DPYSL2: variants seen among roughly 807,000 people sequenced by gnomAD.
DPYSL2 encodes dihydropyrimidinase-related protein 2.
In DPYSL2, 13 loss-of-function variants were observed where a neutral mutation model predicts 69.9. The ratio of observed to expected loss-of-function variants is 0.19; its 90% CI spans 0.12 to 0.30. The LOEUF is 0.30. Among genes scored for constraint, DPYSL2 ranks in the 10% least tolerant of loss-of-function variants. DPYSL2 has a pLI of 1.00. For synonymous variants in DPYSL2, 326 were observed against 359.1 expected (o/e 0.91, Z 1.04); for missense variants, 587 against 918.9 (o/e 0.64, Z 4.67).
chr8:26,563,533 C>T (rs1046886507), intron 1 of DPYSL2, among the ~76,000 whole-genome samples: 3 of 152,198 alleles, frequency 2.0e-5, no homozygotes, highest in Admixed American at 2.0e-4. Context: ...GAGGCTAAGT[C>T]CAGAATTTTC....
chr8:26,617,395 T>A lies in DPYSL2; in HGVS notation c.629-6748T>A, dbSNP rs1802378791. On this transcript the variant is annotated intron_variant, in intron 3 of 13. Coordinates refer to ENST00000521913, the MANE Select transcript of DPYSL2 (RefSeq NM_001197293.3). This position sits in a 1 kb window ranked among gnomAD's most constrained non-coding sequence, Gnocchi z 4.7. ...CTGTGGTCCTAGCTATTTGGGAGGA[T>A]GAGGTGGGAGGATTGCTTGAGCCCA... Among the ~76,000 whole-genome samples, 1 of 151,998 alleles carries A rather than the reference T, an allele frequency of 6.6e-6. No individual in the cohort carries two copies. Among genetic ancestry groups the A allele is most frequent in the South Asian group, 2.1e-4 (1 of 4,818 alleles).
rs550724105 is a variant in DPYSL2, at chr8:26,576,958, C to G, written c.355-5011C>G. The G allele has an allele frequency of 1.2e-3, 357 of 294,952 alleles. 1 individual carries two copies. Among genetic ancestry groups the G allele is most frequent in the African/African-American group, 7.9e-3 (336 of 42,446 alleles). 18.3% of individuals were successfully genotyped at this position (294,952 alleles called of 1,614,324 possible). A position where few individuals can be genotyped will look rare whatever the true frequency, so the allele number is the denominator to read the frequency against. ...CCTCAGGGAGCCGAGGTGGGCGTGA[C>G]TGTAAAGCGGGCGCACAGAGCGCAG... On this transcript the variant is annotated intron_variant, in intron 1 of 13. Coordinates refer to ENST00000521913, the MANE Select transcript of DPYSL2 (RefSeq NM_001197293.3).
chr8:26,558,351 A>G (rs1400807527), intron 1 of DPYSL2, among the ~76,000 whole-genome samples: 2 of 152,234 alleles, frequency 1.3e-5, no homozygotes, highest in East Asian at 1.9e-4. Context: ...AAAAGGCTAC[A>G]TAATGTGATT....
At chr8:26,578,055 A>T in intron 1 of DPYSL2, 1 of 1,447,684 alleles carries the variant, frequency 6.9e-7, no homozygotes, top group Non-Finnish European at 9.0e-7. Context: ...GTTGGAGGAG[A>T]GGAAGAAAGA....
rs1331587275 is a variant in DPYSL2, at chr8:26,626,757, C to T, written c.855+79C>T. 1.6e-5 allele frequency: 23 copies of T among 1,423,268 alleles called. No individual in the cohort carries two copies. Among genetic ancestry groups the T allele is most frequent in the East Asian group, 4.6e-5 (2 of 43,922 alleles). 88.2% of individuals were successfully genotyped at this position (1,423,268 alleles called of 1,614,324 possible). A position where few individuals can be genotyped will look rare whatever the true frequency, so the allele number is the denominator to read the frequency against. On this transcript the variant is annotated intron_variant, in intron 5 of 13. Coordinates refer to ENST00000521913, the MANE Select transcript of DPYSL2 (RefSeq NM_001197293.3). The surrounding 1 kb of genome is among the most constrained non-coding windows in gnomAD (Gnocchi z 4.3). The stretch of plus-strand genomic sequence containing the variant: ...TGTGGCCGTTTGGGAAAGCAGTCTC[C>T]GATGTATGCATGTTTCCTAGCTTCC...
At position 26,641,906 on chromosome 8, in the gene DPYSL2, A is replaced by G. The variant is rs115713095; in HGVS notation, c.1127-1533A>G. 1.8e-3 allele frequency among the ~76,000 whole-genome samples: 272 copies of G among 152,276 alleles called. 1 individual carries two copies. Among genetic ancestry groups the G allele is most frequent in the African/African-American group, 6.1e-3 (254 of 41,558 alleles). ...GCAGAGCCAGCTCTCAGAGTGGCCGACAGGGAGGGTGTTGTGGTGTATCAT... is the reference window on the plus strand; with the variant it reads ...GCAGAGCCAGCTCTCAGAGTGGCCGGCAGGGAGGGTGTTGTGGTGTATCAT... On this transcript the variant is annotated intron_variant, in intron 8 of 13. Coordinates refer to ENST00000521913, the MANE Select transcript of DPYSL2 (RefSeq NM_001197293.3). The surrounding 1 kb of genome is among the most constrained non-coding windows in gnomAD (Gnocchi z 4.1).
chr8:26,517,358 G>A lies in DPYSL2; in HGVS notation c.354+2679G>A, dbSNP rs1485327846. ...AGCCAGACAGCACCAGAAAGCGATGGGTGTGGCTTGACTCGGCATGTCAGA... is the reference window on the plus strand; with the variant it reads ...AGCCAGACAGCACCAGAAAGCGATGAGTGTGGCTTGACTCGGCATGTCAGA... On this transcript the variant is annotated intron_variant, in intron 1 of 13. Coordinates refer to ENST00000521913, the MANE Select transcript of DPYSL2 (RefSeq NM_001197293.3). The surrounding 1 kb of genome is among the most constrained non-coding windows in gnomAD (Gnocchi z 4.2). Among the ~76,000 whole-genome samples, 1 of 152,166 alleles carries A rather than the reference G, an allele frequency of 6.6e-6. No individual in the cohort carries two copies. Among genetic ancestry groups the A allele is most frequent in the Non-Finnish European group, 1.5e-5 (1 of 68,030 alleles).
chr8:26,601,397 A>T (rs1801988258), intron 3 of DPYSL2, among the ~76,000 whole-genome samples: 1 of 151,038 alleles, frequency 6.6e-6, no homozygotes, highest in Non-Finnish European at 1.5e-5. Flanking sequence ...TTTTGTTTTG[A>T]GACAGAGTCT....
chr8:26,622,530 C>T (rs1030838389), intron 3 of DPYSL2, among the ~76,000 whole-genome samples: 1 of 150,178 alleles, frequency 6.7e-6, no homozygotes, highest in East Asian at 2.0e-4. Context: ...TGAGACAAGG[C>T]CTTGCTCTGT....
In DPYSL2 at chr8:26,553,985, G is replaced by A. The variant is rs544320125; in HGVS notation, c.355-27984G>A. 1.4e-3 allele frequency among the ~76,000 whole-genome samples: 200 copies of A among 141,482 alleles called. 1 individual carries two copies. The highest frequency in any genetic ancestry group is 4.9e-3 in the African/African-American group (186 of 37,946). The allele number at this position is 141,482 out of a possible 152,430, so 92.8% of individuals were successfully genotyped here. On this transcript the variant is annotated intron_variant, in intron 1 of 13. Coordinates refer to ENST00000521913, the MANE Select transcript of DPYSL2 (RefSeq NM_001197293.3). ...ACGATCTCTGCAACCTCTGCTTTCC[G>A]GGTTCAAGCAATTCTCTGCCTCAGC...
chr8:26,532,223 C>A (rs185733399), intron 1 of DPYSL2, among the ~76,000 whole-genome samples: 5 of 152,122 alleles, frequency 3.3e-5, no homozygotes, highest in Admixed American at 1.3e-4. Context: ...TCTGTGAACC[C>A]AGGGATGAGG....
rs1802486629 is a variant in DPYSL2, at chr8:26,621,761, A to C, written c.629-2382A>C. ...GCTTGGAGTTGCCCAGGGGTTGGGC[A>C]GGTCAAAGTGAAGAATGGCCGGGGT... On this transcript the variant is annotated intron_variant, in intron 3 of 13. Transcript: ENST00000521913. This position sits in a 1 kb window ranked among gnomAD's most constrained non-coding sequence, Gnocchi z 4.9. Among the ~76,000 whole-genome samples the C allele has an allele frequency of 3.3e-5, 5 of 152,142 alleles. No homozygotes were observed. In the South Asian group the frequency reaches 1.0e-3, roughly 32 times the overall value.
chr8:26,577,286 GGGCCGGGCGT>G (rs1244077727), intron 1 of DPYSL2: 4 of 292,286 alleles, frequency 1.4e-5, no homozygotes, highest in African/African-American at 7.1e-5. Flanking sequence ...GCCCTCTCCG[GGGCCGGGCGT>G]GGCCGGGCCC....
At position 26,655,642 on chromosome 8, in the gene DPYSL2, G is replaced by A. The variant is rs1183472634; in HGVS notation, c.1970G>A (p.Arg657His). 3.1e-6 allele frequency: 5 copies of A among 1,610,400 alleles called. No individual in the cohort carries two copies. The highest frequency in any genetic ancestry group is 4.2e-6 in the Non-Finnish European group (5 of 1,179,178). The change falls in exon 14 of 14, where the codon CGC (arginine) becomes CAC (histidine). Residue 657 changes from arginine to histidine, a missense_variant. Around this residue, in one of 3 missense-constraint regions of DPYSL2, gnomAD observed 452 missense variants for 754.3 expected, o/e 0.60. Coordinates refer to ENST00000521913, the MANE Select transcript of DPYSL2 (RefSeq NM_001197293.3). ...GCTCAGATTGATGACAACATTCCCC[G>A]CCGCACCACCCAGCGTATCGTGGCG... ...SGAQIDDNIPRRTTQRIVAPP... is the reference protein window; with the variant it reads ...SGAQIDDNIPHRTTQRIVAPP...
rs567958529 is a variant in DPYSL2 at position 26,619,279 on chromosome 8, G to T, written c.629-4864G>T. 6.6e-6 allele frequency among the ~76,000 whole-genome samples: 1 copy of T among 152,332 alleles called. No individual in the cohort carries two copies. Among genetic ancestry groups the T allele is most frequent in the Admixed American group, 6.5e-5 (1 of 15,298 alleles). ...AGCAGCTCTTCCCAGGAGAGCTTCAGTGGAAAGAAAACTGTGGGAAAACAT... is the reference window on the plus strand; with the variant it reads ...AGCAGCTCTTCCCAGGAGAGCTTCATTGGAAAGAAAACTGTGGGAAAACAT... On this transcript the variant is annotated intron_variant, in intron 3 of 13. Coordinates refer to ENST00000521913, the MANE Select transcript of DPYSL2 (RefSeq NM_001197293.3). The surrounding 1 kb of genome is among the most constrained non-coding windows in gnomAD (Gnocchi z 4.8).
At chr8:26,623,544 A>G (rs566753508) in intron 3 of DPYSL2, among the ~76,000 whole-genome samples, 229 of 152,212 alleles carry the variant, frequency 1.5e-3, no homozygotes, top group Middle Eastern at 6.8e-3. Context: ...CAAAGTCCTC[A>G]GTCTTCCAGA....
Position 26,536,072 on chromosome 8 carries a change from C to G in DPYSL2, c.354+21393C>G, listed in dbSNP as rs189339161. Among the ~76,000 whole-genome samples, 1,040 of 151,594 alleles carry G rather than the reference C, an allele frequency of 6.9e-3. 9 individuals are homozygous for G. Among genetic ancestry groups the G allele is most frequent in the African/African-American group, 0.024 (991 of 41,318 alleles). ...AAGTGGCTGGCACTACAGGTACATG[C>G]CACCATGCCCAGCTAATTTTTGTAT... On this transcript the variant is annotated intron_variant, in intron 1 of 13. Coordinates refer to ENST00000521913, the MANE Select transcript of DPYSL2 (RefSeq NM_001197293.3).
intron 8 of DPYSL2, among the ~76,000 whole-genome samples, chr8:26,639,954 A>G (rs1585566921): frequency 2.6e-5 from 4 of 152,346 alleles, no homozygotes; most frequent in Admixed American, 2.6e-4. Flanking sequence ...AAAACCTGAC[A>G]GCACAGTCCC....
rs138158225 is a variant in DPYSL2 at position 26,588,553 on chromosome 8, C to T, written c.628+4570C>T. Among the ~76,000 whole-genome samples the T allele has an allele frequency of 6.6e-6, 1 of 152,148 alleles. No individual in the cohort carries two copies. The highest frequency in any genetic ancestry group is 1.5e-5 in the Non-Finnish European group (1 of 68,022). ...GCTCTCTCTAGAGGAGGTGCACCCT[C>T]AGGCACAACATACCCAGCAGGCTTC... On this transcript the variant is annotated intron_variant, in intron 3 of 13. Coordinates refer to ENST00000521913, the MANE Select transcript of DPYSL2 (RefSeq NM_001197293.3). The surrounding 1 kb of genome is among the most constrained non-coding windows in gnomAD (Gnocchi z 5.4).
Sources: gnomAD v4.1 joint callset for allele counts (sites outside exome capture counted in the v4.1 genomes callset) on GRCh38, gnomAD v4.1.1 for gene constraint, gnomAD v4.1.1 regional missense constraint, Gnocchi (gnomAD v3.1) non-coding constraint, MANE v1.5 for transcripts, NCBI Gene and HGNC (gene_info 2026-07-23, HGNC 2026-07-21) for gene names.